PHLPP1: variants seen among roughly 807,000 people sequenced by gnomAD.
The protein encoded by PHLPP1 is PH domain leucine-rich repeat-containing protein phosphatase 1.
Under a neutral mutation model 117.2 loss-of-function variants are expected in PHLPP1, and 42 were observed. That is an observed-to-expected ratio of 0.36 (90% CI 0.28 to 0.46). The LOEUF is 0.46. Ranked by LOEUF, PHLPP1 falls within the 20% of genes least tolerant of loss-of-function variation. The probability of loss-of-function intolerance (pLI) is 1.00; values close to 1 mark genes in which losing one functional copy is unlikely to be tolerated. For synonymous variants in PHLPP1, 1,042 were observed against 970.7 expected (o/e 1.07, Z -1.37); for missense variants, 2,084 against 2,241.9 (o/e 0.93, Z 1.42).
At chr18:62,820,689 C>G (rs1914425545) in intron 1 of PHLPP1, among the ~76,000 whole-genome samples, 1 of 152,152 alleles carries the variant, frequency 6.6e-6, no homozygotes, top group African/African-American at 2.4e-5. Context: ...TTAGTCCTCC[C>G]CTGCTATGCT....
intron 5 of PHLPP1, 41 bp downstream of exon 5, chr18:62,895,198 C>A (rs185919396): frequency 1.3e-6 from 2 of 1,594,384 alleles, no homozygotes; most frequent in East Asian, 4.5e-5. Context: ...ATCCAGAAGC[C>A]CCAGGGAAGC....
intron 1 of PHLPP1, among the ~76,000 whole-genome samples, chr18:62,817,144 G>A (rs1359533499): frequency 1.3e-5 from 2 of 152,120 alleles, no homozygotes; most frequent in South Asian, 2.1e-4. Flanking sequence ...ACGTCTCACT[G>A]TGTTTCCCAG....
At chr18:62,750,295 G>A (rs1317052058) in intron 1 of PHLPP1, among the ~76,000 whole-genome samples, 2 of 152,114 alleles carry the variant, frequency 1.3e-5, no homozygotes, top group African/African-American at 4.8e-5. Flanking sequence ...GATACATACA[G>A]AAGTAGTTCA....
chr18:62,893,078 A>G (rs1350884322), intron 4 of PHLPP1, among the ~76,000 whole-genome samples: 12 of 149,850 alleles, frequency 8.0e-5, no homozygotes, highest in Non-Finnish European at 1.0e-4. Flanking sequence ...GTCTCGCTCT[A>G]TCGCCCAGGC....
intron 2 of PHLPP1, chr18:62,832,232 A>G (rs1214078010): frequency 2.6e-5 from 4 of 152,244 alleles, no homozygotes; most frequent in African/African-American, 9.6e-5. Context: ...ATGATTTTGT[A>G]TCAGAAGATG....
Position 62,895,976 on chromosome 18 carries a change from A to G in PHLPP1, c.2409A>G (p.Leu803=). The G allele has an allele frequency of 6.8e-6, 11 of 1,612,978 alleles. No individual in the cohort carries two copies. Among genetic ancestry groups the G allele is most frequent in the Non-Finnish European group, 9.3e-6 (11 of 1,178,974 alleles). ...TGGAGACCCTTAGGCTACAGGCTTTAAGAAAAATGCCTCACATTAAACATG... is the reference window on the plus strand; with the variant it reads ...TGGAGACCCTTAGGCTACAGGCTTTGAGAAAAATGCCTCACATTAAACATG... ...NCVETLRLQA[L]RKMPHIKHVD... Residue 803 remains leucine, a synonymous_variant, in exon 6 of 17, where the codon TTA becomes TTG. Transcript: ENST00000262719.
At chr18:62,880,653 A>T (rs1916154629) in intron 4 of PHLPP1, among the ~76,000 whole-genome samples, 2 of 152,186 alleles carry the variant, frequency 1.3e-5, no homozygotes, top group Non-Finnish European at 2.9e-5. Context: ...GTAGTCATGG[A>T]TAAATTGAGT....
At chr18:62,739,595 T>A (rs1297110283) in intron 1 of PHLPP1, among the ~76,000 whole-genome samples, 2 of 152,250 alleles carry the variant, frequency 1.3e-5, no homozygotes, top group South Asian at 2.1e-4. Flanking sequence ...ATTTCTATCC[T>A]GAAGGGAGAG....
chr18:62,927,570 G>A (rs1294824584), intron 10 of PHLPP1, among the ~76,000 whole-genome samples: 1 of 152,144 alleles, frequency 6.6e-6, no homozygotes, highest in Non-Finnish European at 1.5e-5. Flanking sequence ...GAAAATGACA[G>A]TTATCTGAGA....
At chr18:62,777,200 C>T (rs1290374601) in intron 1 of PHLPP1, among the ~76,000 whole-genome samples, 2 of 152,182 alleles carry the variant, frequency 1.3e-5, no homozygotes, top group Non-Finnish European at 1.5e-5. Context: ...TCTACATTCT[C>T]TGCAGTATTT....
intron 8 of PHLPP1, chr18:62,906,163 C>A (rs1326139955): frequency 6.6e-6 from 1 of 152,136 alleles, no homozygotes; most frequent in African/African-American, 2.4e-5. Flanking sequence ...TATGATTTGT[C>A]TTCTACAGAA....
At chr18:62,914,804 G>T (rs1243068994) in intron 8 of PHLPP1, 109 bp from the exon 9 acceptor site, 3 of 718,256 alleles carry the variant, frequency 4.2e-6, no homozygotes, top group Non-Finnish European at 7.1e-6. Flanking sequence ...TATGCCCTTG[G>T]TACTTTGGTA....
At chr18:62,968,544 T>C (rs1910966450) in intron 14 of PHLPP1, among the ~76,000 whole-genome samples, 1 of 138,652 alleles carries the variant, frequency 7.2e-6, no homozygotes, top group Admixed American at 7.1e-5. Flanking sequence ...TTTTTTTTTT[T>C]TTTTTTTTTT....
chr18:62,799,308 T>C (rs1451002961), intron 1 of PHLPP1, among the ~76,000 whole-genome samples: 1 of 152,328 alleles, frequency 6.6e-6, no homozygotes, highest in African/African-American at 2.4e-5. Flanking sequence ...CCACTGTTGG[T>C]AGCAAGACTC....
intron 4 of PHLPP1, among the ~76,000 whole-genome samples, chr18:62,867,195 T>C (rs1203407510): frequency 6.6e-6 from 1 of 152,212 alleles, no homozygotes; most frequent in Non-Finnish European, 1.5e-5. Flanking sequence ...GACAACCCTT[T>C]TGAATCTTTT....
chr18:62,830,172 T>C lies in PHLPP1; in HGVS notation c.1714T>C (p.Ser572Pro), dbSNP rs1269682516. The C allele has an allele frequency of 9.4e-6, 15 of 1,593,184 alleles. No homozygotes were observed. The highest frequency in any genetic ancestry group is 1.7e-4 in the Middle Eastern group (1 of 6,032). Residue 572 changes from serine to proline, a missense_variant, in exon 2 of 17, where the codon TCA (serine) becomes CCA (proline). By Grantham distance (74) the Ser-to-Pro change is moderately conservative (BLOSUM62 -1). Transcript: ENST00000262719. Reference sequence around the variant, plus strand: ...CCTATGTGGGACCTGCCTGATAGTATCATCTGTGAAAGACAGCTTGACCGG... The same window carrying C: ...CCTATGTGGGACCTGCCTGATAGTACCATCTGTGAAAGACAGCTTGACCGG... ...VILCGTCLIV[S>P]SVKDSLTGKM...
At chr18:62,940,871 A>G (rs937022939) in intron 10 of PHLPP1, among the ~76,000 whole-genome samples, 5 of 152,196 alleles carry the variant, frequency 3.3e-5, no homozygotes, top group Admixed American at 2.6e-4. Context: ...AATATTTGAA[A>G]CGTTACACGC....
rs188701030 is a variant in PHLPP1 at position 62,725,372 on chromosome 18, A to T, written c.1576+8113A>T. ...AAAACTCAGTCTCAAAAAAAAAAAA[A>T]AATAATAAATAAAAAAATAAATATG... On this transcript the variant is annotated intron_variant, in intron 1 of 16. Coordinates refer to ENST00000262719, the MANE Select transcript of PHLPP1 (RefSeq NM_194449.4). 3.8e-3 allele frequency among the ~76,000 whole-genome samples: 578 copies of T among 151,628 alleles called. 2 individuals carry two copies. Among genetic ancestry groups the T allele is most frequent in the East Asian group, 0.012 (61 of 5,174 alleles).
chr18:62,895,980 A>C lies in PHLPP1; in HGVS notation c.2413A>C (p.Lys805Gln). 6.2e-7 allele frequency: 1 copy of C among 1,612,454 alleles called. No individual in the cohort carries two copies. The highest frequency in any genetic ancestry group is 8.5e-7 in the Non-Finnish European group (1 of 1,178,494). ...VETLRLQALR[K>Q]MPHIKHVDLR... ...GACCCTTAGGCTACAGGCTTTAAGA[A>C]AAATGCCTCACATTAAACATGTGGA... The change falls in exon 6 of 17, where the codon AAA (lysine) becomes CAA (glutamine). Residue 805 changes from lysine (K) to glutamine (Q), a missense_variant. By Grantham distance (53) the Lys-to-Gln change is moderately conservative. This residue lies in a region of PHLPP1 where 1,365 missense variants were observed against 1,605.9 expected (regional missense o/e 0.85). Coordinates refer to ENST00000262719, the MANE Select transcript of PHLPP1 (RefSeq NM_194449.4).
Sources: allele counts gnomAD v4.1 joint callset (sites outside exome capture counted in the v4.1 genomes callset), GRCh38; gene constraint gnomAD v4.1.1; regional missense constraint gnomAD v4.1.1; transcripts MANE v1.5; gene names NCBI Gene and HGNC (gene_info 2026-07-23, HGNC 2026-07-21).